The following DAAM2 variants were observed in gnomAD, a reference collection of about 807,000 sequenced individuals.
The protein encoded by DAAM2 is disheveled-associated activator of morphogenesis 2.
DAAM2 carries 39 observed loss-of-function variants against 120.7 expected under a neutral mutation model. That is an observed-to-expected ratio of 0.32 (90% CI 0.25 to 0.42). The LOEUF is 0.42. Among genes scored for constraint, DAAM2 ranks in the 10% least tolerant of loss-of-function variants. DAAM2 has a pLI of 1.00. For missense variants in DAAM2, 1,283 were observed against 1,401.7 expected, an observed-to-expected ratio of 0.92 and a Z score of 1.35; for synonymous variants, 488 against 524.9, an observed-to-expected ratio of 0.93 and a Z score of 0.96.
At chr6:39,850,510 G>A (rs1013867013) in intron 1 of DAAM2, among the ~76,000 whole-genome samples, 1 of 152,042 alleles carries the variant, frequency 6.6e-6, no homozygotes, top group African/African-American at 2.4e-5. Context: ...TTTACTCCTG[G>A]GTCCTCATCA....
chr6:39,845,071 A>G (rs1224281167), intron 1 of DAAM2, among the ~76,000 whole-genome samples: 1 of 136,624 alleles, frequency 7.3e-6, no homozygotes, highest in African/African-American at 2.7e-5. Flanking sequence ...CACCCTTACC[A>G]CACATACATA....
chr6:39,868,711 G>A (rs1156327456), intron 6 of DAAM2, 112 bp from the exon 7 acceptor site: 2 of 743,876 alleles, frequency 2.7e-6, no homozygotes, highest in East Asian at 2.7e-5. Context: ...ATTGGGTGGA[G>A]AGAGCAGATG....
rs530270342 is a variant in DAAM2, at chr6:39,888,685, G to T, written c.2067G>T (p.Lys689Asn). The change falls in exon 17 of 25, where the codon AAG becomes AAT. Residue 689 changes from lysine (K) to asparagine (N), a missense_variant. Physicochemically the swap from Lys to Asn is moderately conservative, Grantham distance 94. Around this residue, in one of 3 missense-constraint regions of DAAM2, gnomAD observed 748 missense variants for 768.6 expected, o/e 0.97. Coordinates refer to ENST00000274867, the MANE Select transcript of DAAM2 (RefSeq NM_001201427.2). ...QNCIILLSKL[K>N]LSNEEIRQAI... ...AGGTGGGGTTTTGCCTTAGGTTGAA[G>T]CTTTCTAACGAGGAGATCCGGCAGG... 7 of 1,613,280 alleles carry T rather than the reference G, an allele frequency of 4.3e-6. No homozygotes were observed. The Admixed American group carries it at 6.7e-5, about 15-fold the overall frequency.
chr6:39,805,920 CT>C (rs1761998337), intron 1 of DAAM2, among the ~76,000 whole-genome samples: 1 of 152,204 alleles, frequency 6.6e-6, no homozygotes, highest in South Asian at 2.1e-4. Context: ...TTACGCTGTT[CT>C]TAAAGCTCAG....
At chr6:39,899,585 TG>T (rs1352148577) in intron 22 of DAAM2, 1 of 159,690 alleles carries the variant, frequency 6.3e-6, no homozygotes, top group Non-Finnish European at 1.4e-5. Flanking sequence ...AGATTAAGGA[TG>T]ACAAAGAACG....
At chr6:39,804,522 C>CTGTGTGTGTG (rs10688621) in intron 1 of DAAM2, among the ~76,000 whole-genome samples, 83 of 149,452 alleles carry the variant, frequency 5.6e-4, no homozygotes, top group Middle Eastern at 3.4e-3. Context: ...GAGATCAGTT[C>CTGTGTGTGTG]TGTGTGTGTG....
chr6:39,823,678 G>A (rs963451776), intron 1 of DAAM2, among the ~76,000 whole-genome samples: 2 of 152,168 alleles, frequency 1.3e-5, no homozygotes, highest in Non-Finnish European at 2.9e-5. Context: ...GAAGGCCATC[G>A]CATGATCCCT....
intron 15 of DAAM2, chr6:39,886,660 A>G (rs987254074): frequency 3.1e-5 from 12 of 390,162 alleles, no homozygotes; most frequent in African/African-American, 1.2e-4. Context: ...GTGGAGGTCA[A>G]TGTCTCCTGG....
At chr6:39,858,503 G>A (rs188096866) in intron 2 of DAAM2, among the ~76,000 whole-genome samples, 13 of 152,292 alleles carry the variant, frequency 8.5e-5, no homozygotes, top group Admixed American at 8.5e-4. Flanking sequence ...AGTGTTGGAT[G>A]GATATTGGGG....
chr6:39,802,067 A>T (rs1450301510), intron 1 of DAAM2, among the ~76,000 whole-genome samples: 1 of 152,208 alleles, frequency 6.6e-6, no homozygotes, highest in Non-Finnish European at 1.5e-5. Context: ...TATTAATCAG[A>T]CTGTTCCCCA....
chr6:39,875,145 C>T (rs1399257370), intron 10 of DAAM2, among the ~76,000 whole-genome samples, 185 bp from the exon 11 acceptor site: 2 of 152,128 alleles, frequency 1.3e-5, no homozygotes, highest in Non-Finnish European at 2.9e-5. Flanking sequence ...TGCCGATAAT[C>T]AAGAGATGAC....
chr6:39,844,927 C>T (rs1025964904), intron 1 of DAAM2, among the ~76,000 whole-genome samples: 3 of 151,178 alleles, frequency 2.0e-5, no homozygotes, highest in Non-Finnish European at 3.0e-5. Flanking sequence ...CACATACATA[C>T]ACCACACACA....
At chr6:39,869,059 C>T (rs1764544736) in intron 7 of DAAM2, 126 bp downstream of exon 7, 1 of 712,368 alleles carries the variant, frequency 1.4e-6, no homozygotes, top group South Asian at 1.7e-5. Flanking sequence ...TGGGGAGTTG[C>T]CTACATAGGT....
intron 19 of DAAM2, among the ~76,000 whole-genome samples, chr6:39,896,216 T>G (rs1473014000): frequency 1.3e-5 from 2 of 151,772 alleles, no homozygotes; most frequent in East Asian, 3.9e-4. Flanking sequence ...TTCTTTTTTC[T>G]TTTTGATACA....
intron 1 of DAAM2, among the ~76,000 whole-genome samples, chr6:39,796,682 T>C (rs1174979528): frequency 2.6e-5 from 4 of 151,448 alleles, no homozygotes; most frequent in Admixed American, 6.6e-5. Context: ...TTGATGTCTC[T>C]TTCAATCCTG....
chr6:39,877,261 C>G (rs1032543943), intron 11 of DAAM2, among the ~76,000 whole-genome samples: 1 of 152,190 alleles, frequency 6.6e-6, no homozygotes, highest in African/African-American at 2.4e-5. Flanking sequence ...CTTGTGCCAA[C>G]GAACTCTAGG....
chr6:39,815,880 C>T (rs1312578710), intron 1 of DAAM2, among the ~76,000 whole-genome samples: 3 of 152,252 alleles, frequency 2.0e-5, no homozygotes, highest in Non-Finnish European at 4.4e-5. Flanking sequence ...AGGTCCCCCT[C>T]TTTATTATGT....
intron 1 of DAAM2, among the ~76,000 whole-genome samples, chr6:39,842,019 T>A (rs1763359764): frequency 6.6e-6 from 1 of 152,236 alleles, no homozygotes; most frequent in African/African-American, 2.4e-5. Flanking sequence ...CAAGACCTGA[T>A]TTAACCATGC....
intron 3 of DAAM2, chr6:39,861,305 C>T (rs889816783): frequency 3.8e-5 from 17 of 445,540 alleles, no homozygotes; most frequent in Non-Finnish European, 6.3e-5. Flanking sequence ...TGGACTCTCT[C>T]GTGCCTGCTC....
Sources: gnomAD v4.1 joint callset for allele counts (sites outside exome capture counted in the v4.1 genomes callset) on GRCh38, gnomAD v4.1.1 for gene constraint, gnomAD v4.1.1 regional missense constraint, MANE v1.5 for transcripts, NCBI Gene and HGNC (gene_info 2026-07-23, HGNC 2026-07-21) for gene names.